DOCK9: variants seen among roughly 807,000 people sequenced by gnomAD.
The protein encoded by DOCK9 is dedicator of cytokinesis protein 9.
Under a neutral mutation model 263.3 loss-of-function variants are expected in DOCK9, and 89 were observed. The observed-to-expected ratio is 0.34, with a 90% CI of 0.28 to 0.40. The LOEUF (loss-of-function observed/expected upper bound fraction) is 0.40. Among genes scored for constraint, DOCK9 ranks in the 10% least tolerant of loss-of-function variants. DOCK9 has a pLI of 1.00. For missense variants in DOCK9, 2,140 were observed against 2,603.4 expected (o/e 0.82, Z 3.87); for synonymous variants, 976 against 973.1 (o/e 1.00, Z -0.06).
chr13:98,879,992 C>G, intron 26 of DOCK9, 23 bp from the exon 27 acceptor site: 1 of 1,563,814 alleles, frequency 6.4e-7, no homozygotes, highest in Non-Finnish European at 8.7e-7. Context: ...AGAACAGGAC[C>G]CAGTAAGAAC....
chr13:98,860,539 A>C lies in DOCK9; in HGVS notation c.3580-17T>G. ...CTTCACAGTCTGTCAAGGAGAGGAAAGCAGAAACAATCAAAGATGACTGGA... is the reference window on the plus strand; with the variant it reads ...CTTCACAGTCTGTCAAGGAGAGGAACGCAGAAACAATCAAAGATGACTGGA... On this transcript the variant is annotated splice_polypyrimidine_tract_variant and intron_variant, in intron 32 of 52. Coordinates refer to ENST00000682017, the MANE Select transcript of DOCK9 (RefSeq NM_001366683.2). 1 of 1,544,172 alleles carries C rather than the reference A, an allele frequency of 6.5e-7. No individual in the cohort carries two copies. The highest frequency in any genetic ancestry group is 8.8e-7 in the Non-Finnish European group (1 of 1,142,082).
In DOCK9 at chr13:98,893,821, A is replaced by C. The variant is rs529782798; in HGVS notation, c.1709+3667T>G. Among the ~76,000 whole-genome samples the C allele has an allele frequency of 3.9e-5, 6 of 152,348 alleles. No individual in the cohort carries two copies. The East Asian group carries it at 9.6e-4, about 24-fold the overall frequency. ...GTCCCCTAACTCTGTTGTGAAGAAT[A>C]CGGGGAGTGGGCACCAAAGTTTCTT... On this transcript the variant is annotated intron_variant, in intron 15 of 52. Transcript: ENST00000682017.
At chr13:98,889,059 G>A (rs1325717064) in intron 15 of DOCK9, among the ~76,000 whole-genome samples, 4 of 152,164 alleles carry the variant, frequency 2.6e-5, no homozygotes, top group African/African-American at 7.2e-5. Flanking sequence ...TAGTGGCTGC[G>A]CACTACACAG....
intron 1 of DOCK9, among the ~76,000 whole-genome samples, chr13:99,038,129 T>C (rs1444959423): frequency 2.0e-5 from 3 of 151,954 alleles, no homozygotes; most frequent in African/African-American, 4.8e-5. Context: ...GAGGGGAAAA[T>C]TGTCTTTAAG....
chr13:98,920,137 A>C (rs532441989), intron 7 of DOCK9, among the ~76,000 whole-genome samples: 1 of 152,344 alleles, frequency 6.6e-6, no homozygotes, highest in East Asian at 1.9e-4. Context: ...AACTGGTAGT[A>C]GCTCCCCTCA....
chr13:98,855,923 C>T lies in DOCK9; in HGVS notation c.3806G>A (p.Ser1269Asn), dbSNP rs200337122. 1.4e-5 allele frequency: 22 copies of T among 1,614,024 alleles called. No individual in the cohort carries two copies. In the Middle Eastern group the frequency reaches 1.2e-3, roughly 85 times the overall value. Reference protein sequence around the residue: ...DSGNSLPERNSEKSNSLDKHQ... With the variant: ...DSGNSLPERNNEKSNSLDKHQ... ...CTTATCCAGGGAATTGCTCTTCTCA[C>T]TATTCCTTTCTGGAAGGCTGTTACC... Residue 1269 changes from serine (S) to asparagine (N), a missense_variant, in exon 34 of 53, where the codon AGT becomes AAT. Physicochemically the swap from Ser to Asn is conservative, Grantham distance 46 (BLOSUM62 1). Around this residue, in one of 2 missense-constraint regions of DOCK9, gnomAD observed 1,521 missense variants for 1,741.7 expected, o/e 0.87. Coordinates refer to ENST00000682017, the MANE Select transcript of DOCK9 (RefSeq NM_001366683.2).
intron 38 of DOCK9, chr13:98,845,202 G>A (rs1188642733): frequency 2.6e-5 from 14 of 541,914 alleles, no homozygotes; most frequent in Non-Finnish European, 4.0e-5. Context: ...ATGCTCCCCT[G>A]TTCTGGCAGA....
At chr13:98,809,297 T>C (rs761029909) in intron 47 of DOCK9, 55 bp downstream of exon 47, 3 of 1,440,134 alleles carry the variant, frequency 2.1e-6, no homozygotes, top group Non-Finnish European at 1.9e-6. Flanking sequence ...TTGTTTTTGT[T>C]TTTGTTTTTT....
chr13:99,037,231 T>C (rs1887983406), intron 1 of DOCK9, among the ~76,000 whole-genome samples: 3 of 152,174 alleles, frequency 2.0e-5, no homozygotes, highest in African/African-American at 7.2e-5. Flanking sequence ...TCAAATCACA[T>C]ACCTGATTAA....
intron 31 of DOCK9, 88 bp downstream of exon 31, chr13:98,863,282 C>T (rs962606273): frequency 2.2e-5 from 33 of 1,531,630 alleles, no homozygotes; most frequent in African/African-American, 2.7e-5. Flanking sequence ...GTGCTGTTAC[C>T]ATGAATTTTC....
intron 1 of DOCK9, among the ~76,000 whole-genome samples, chr13:99,007,056 T>C (rs1446421422): frequency 1.3e-5 from 2 of 151,886 alleles, no homozygotes; most frequent in African/African-American, 4.8e-5. Flanking sequence ...TGCACCACTG[T>C]ACTCCAGCCT....
rs1362588316 is a variant in DOCK9, at chr13:98,902,000, A to T, written c.1381-100T>A. The T allele has an allele frequency of 3.0e-5, 43 of 1,434,072 alleles. 1 individual carries two copies. The South Asian group carries it at 5.3e-4, about 18-fold the overall frequency. The allele number at this position is 1,434,072 out of a possible 1,614,324, so 88.8% of individuals were successfully genotyped here. On this transcript the variant is annotated intron_variant, in intron 12 of 52. Transcript: ENST00000682017. ...CAAAGAACAGTGAAACAGGACAACTAGTAAAAAGCACCCAGTGCCAAACTA... is the reference window on the plus strand; with the variant it reads ...CAAAGAACAGTGAAACAGGACAACTTGTAAAAAGCACCCAGTGCCAAACTA...
chr13:98,868,746 C>A (rs903183734), intron 27 of DOCK9, among the ~76,000 whole-genome samples: 7 of 152,060 alleles, frequency 4.6e-5, no homozygotes, highest in Non-Finnish European at 8.8e-5. Flanking sequence ...AAAGCAAGGC[C>A]CAGTCTCAAA....
chr13:98,829,469 C>T lies in DOCK9; in HGVS notation c.4803G>A (p.Val1601=). 6.2e-7 allele frequency: 1 copy of T among 1,613,932 alleles called. No homozygotes were observed. Among genetic ancestry groups the T allele is most frequent in the East Asian group, 2.2e-5 (1 of 44,884 alleles). ...CCTTCATCTGGGCGGTGGCCATTAG[C>T]ACCGTGCGTATCCTTTTGGTTAAGT... ...VKDLTKRIRT[V]LMATAQMKEH... is the part of the protein sequence containing the mutation. The change falls in exon 43 of 53, where the codon GTG becomes GTA. Residue 1601 remains valine, a synonymous_variant. Transcript: ENST00000682017. This position sits in a 1 kb window ranked among gnomAD's most constrained non-coding sequence, Gnocchi z 4.1.
intron 22 of DOCK9, 52 bp downstream of exon 22, chr13:98,883,761 G>A: frequency 1.6e-6 from 2 of 1,268,066 alleles, no homozygotes; most frequent in Non-Finnish European, 2.2e-6. Flanking sequence ...GCAAAATGGT[G>A]CAAACTTTGT....
upstream of DOCK9, among the ~76,000 whole-genome samples, chr13:98,979,966 TC>T (rs1192028351): frequency 5.3e-5 from 8 of 152,168 alleles, no homozygotes; most frequent in Admixed American, 5.2e-4. Flanking sequence ...CTTCCTCAAA[TC>T]CCCATCGCCA....
intron 20 of DOCK9, 115 bp downstream of exon 20, chr13:98,885,593 A>T: frequency 8.2e-7 from 1 of 1,226,812 alleles, no homozygotes; most frequent in Non-Finnish European, 1.1e-6. Flanking sequence ...TCCGTTACCT[A>T]TAAAATTCAT....
intron 1 of DOCK9, chr13:99,086,146 A>T (rs1458574683): frequency 1.9e-5 from 27 of 1,393,344 alleles, no homozygotes; most frequent in Non-Finnish European, 2.4e-5. Flanking sequence ...CTGCCGACTA[A>T]GAGGCGCCCG....
At chr13:98,863,823 T>C (rs2093943971) in intron 30 of DOCK9, among the ~76,000 whole-genome samples, 1 of 152,198 alleles carries the variant, frequency 6.6e-6, no homozygotes, top group Non-Finnish European at 1.5e-5. Context: ...ATAATTAAAT[T>C]AGTGAACAGT....
Sources: allele counts gnomAD v4.1 joint callset (sites outside exome capture counted in the v4.1 genomes callset), GRCh38; gene constraint gnomAD v4.1.1; regional missense constraint gnomAD v4.1.1; non-coding constraint Gnocchi (gnomAD v3.1); transcripts MANE v1.5; gene names NCBI Gene and HGNC (gene_info 2026-07-23, HGNC 2026-07-21).